Variants in CDH13 observed in about 807,000 individuals in gnomAD.
The protein encoded by CDH13 is cadherin 13.
CDH13 carries 24 observed loss-of-function variants against 63.8 expected under a neutral mutation model. The observed-to-expected ratio is 0.38, with a 90% confidence interval of 0.27 to 0.53. The LOEUF is 0.53. CDH13 is among the 20% of genes least tolerant of loss of function. The probability of loss-of-function intolerance (pLI) is 0.85; values close to 1 mark genes in which losing one functional copy is unlikely to be tolerated. For synonymous variants in CDH13, 503 were observed against 355.3 expected, an observed-to-expected ratio of 1.42 and a Z score of -4.67; for missense variants, 1,049 against 903.1, an observed-to-expected ratio of 1.16 and a Z score of -2.07.
intron 10 of CDH13, among the ~76,000 whole-genome samples, chr16:83,711,462 G>C (rs77197058): frequency 0.13 from 19,522 of 152,198 alleles, 1,512 homozygotes; most frequent in Middle Eastern, 0.26. Context: ...GCTAGCATGT[G>C]TGTGGTTGTT....
chr16:83,423,114 C>A (rs1483148453), intron 6 of CDH13, among the ~76,000 whole-genome samples: 1 of 152,240 alleles, frequency 6.6e-6, no homozygotes, highest in East Asian at 1.9e-4. Context: ...TGTTTCCCCC[C>A]ATTTTCTGCT....
chr16:82,981,600 A>G (rs186105157), intron 2 of CDH13, among the ~76,000 whole-genome samples: 1 of 152,154 alleles, frequency 6.6e-6, no homozygotes, highest in African/African-American at 2.4e-5. Context: ...TTTCTTCTCC[A>G]TCTTCTTCAG....
intron 7 of CDH13, among the ~76,000 whole-genome samples, chr16:83,528,394 C>G (rs1416366386): frequency 6.6e-6 from 1 of 152,154 alleles, no homozygotes; most frequent in Non-Finnish European, 1.5e-5. Context: ...TTGGGGAAAT[C>G]TCTTCCTCTG....
chr16:82,927,197 A>T (rs1319897334), intron 2 of CDH13, among the ~76,000 whole-genome samples: 1 of 152,150 alleles, frequency 6.6e-6, no homozygotes, highest in East Asian at 1.9e-4. Context: ...CAAGGTAGAA[A>T]TGAGTGATAT....
At chr16:83,742,182 C>T (rs1023309773) in intron 10 of CDH13, among the ~76,000 whole-genome samples, 1 of 152,216 alleles carries the variant, frequency 6.6e-6, no homozygotes, top group Non-Finnish European at 1.5e-5. Context: ...CAACAGCTGG[C>T]CCTGGCCACT....
chr16:83,592,091 T>G (rs570420817), intron 7 of CDH13, among the ~76,000 whole-genome samples: 1 of 152,306 alleles, frequency 6.6e-6, no homozygotes, highest in East Asian at 1.9e-4. Flanking sequence ...ACTCTGTGCT[T>G]ACCCCATCTC....
intron 2 of CDH13, among the ~76,000 whole-genome samples, chr16:82,946,977 G>A (rs1374678051): frequency 2.0e-5 from 3 of 149,506 alleles, no homozygotes; most frequent in African/African-American, 7.4e-5. Context: ...AATAACACTA[G>A]GCCAAAGTCT....
chr16:83,679,081 G>A (rs1046135815), intron 10 of CDH13, among the ~76,000 whole-genome samples: 2 of 130,100 alleles, frequency 1.5e-5, no homozygotes, highest in Non-Finnish European at 3.3e-5. Context: ...TCTGCCTGAT[G>A]AGGGGCAGGC....
chr16:83,645,365 C>T (rs572226620), intron 8 of CDH13, among the ~76,000 whole-genome samples: 4 of 152,088 alleles, frequency 2.6e-5, no homozygotes, highest in South Asian at 2.1e-4. Flanking sequence ...TGAACATAAA[C>T]GTGGAAACAA....
intron 7 of CDH13, among the ~76,000 whole-genome samples, chr16:83,525,142 C>T (rs141322909): frequency 1.5e-3 from 226 of 152,268 alleles, no homozygotes; most frequent in Middle Eastern, 0.01. Flanking sequence ...GGGACAGACT[C>T]CAGTTGGCTC....
chr16:82,877,836 G>A (rs558224718), intron 2 of CDH13, among the ~76,000 whole-genome samples: 2 of 150,656 alleles, frequency 1.3e-5, no homozygotes, highest in Non-Finnish European at 2.9e-5. Context: ...GTGTAACCTG[G>A]GGGCCAGGGA....
chr16:83,598,626 G>A (rs74668461), intron 7 of CDH13, among the ~76,000 whole-genome samples: 1 of 151,996 alleles, frequency 6.6e-6, no homozygotes, highest in Non-Finnish European at 1.5e-5. Flanking sequence ...CGGAACATCT[G>A]AATCAAGTGT....
chr16:83,232,545 C>CAACAAA (rs1164619286), intron 5 of CDH13, among the ~76,000 whole-genome samples: 11 of 107,990 alleles, frequency 1.0e-4, no homozygotes, highest in African/African-American at 3.4e-4. Flanking sequence ...ACAACAACAA[C>CAACAAA]AAACAAACAA....
rs532430885 is a variant in CDH13 at position 82,643,424 on chromosome 16, C to A, written c.45+16287C>A. Among the ~76,000 whole-genome samples the A allele has an allele frequency of 2.0e-5, 3 of 152,272 alleles. No individual in the cohort carries two copies. The South Asian group carries it at 6.2e-4, about 32-fold the overall frequency. ...CCCTACTGAGATCAGAAAGCGGAAG[C>A]AGAACGATGTTGAGAAACTTGGGGC... On this transcript the variant is annotated intron_variant, in intron 1 of 13. Transcript: ENST00000567109.
chr16:83,117,331 C>T (rs897384286), intron 3 of CDH13, among the ~76,000 whole-genome samples: 1 of 152,176 alleles, frequency 6.6e-6, no homozygotes, highest in African/African-American at 2.4e-5. Context: ...CCGCCATGCC[C>T]GGTAGGCTTC....
intron 2 of CDH13, among the ~76,000 whole-genome samples, chr16:83,020,906 C>T (rs1458917297): frequency 6.6e-6 from 1 of 152,220 alleles, no homozygotes; most frequent in Non-Finnish European, 1.5e-5. Flanking sequence ...TAGACAACCC[C>T]AACTGCAAGG....
chr16:82,820,635 C>T (rs1459535027), intron 1 of CDH13, among the ~76,000 whole-genome samples: 2 of 152,200 alleles, frequency 1.3e-5, no homozygotes, highest in East Asian at 3.9e-4. Flanking sequence ...CATGACAGGT[C>T]TGTGATCAGC....
intron 5 of CDH13, among the ~76,000 whole-genome samples, chr16:83,279,644 A>G (rs1050945762): frequency 2.0e-5 from 3 of 152,206 alleles, no homozygotes; most frequent in Non-Finnish European, 4.4e-5. Flanking sequence ...ACAATCGGCT[A>G]TACATCTGGG....
intron 5 of CDH13, among the ~76,000 whole-genome samples, chr16:83,217,805 C>T (rs2039586372): frequency 6.6e-6 from 1 of 152,138 alleles, no homozygotes; most frequent in Non-Finnish European, 1.5e-5. Flanking sequence ...TTCCAGAGAC[C>T]AGCTTGATGA....
Sources: allele counts gnomAD v4.1 joint callset (sites outside exome capture counted in the v4.1 genomes callset), GRCh38; gene constraint gnomAD v4.1.1; transcripts MANE v1.5; gene names NCBI Gene and HGNC (gene_info 2026-07-23, HGNC 2026-07-21).